HEMK2: variants seen among roughly 807,000 people sequenced by gnomAD.
HEMK2 encodes HemK methyltransferase 2, ETF1 glutamine and histone H4 lysine.
chr21:28,679,128 G>T, the HEMK2 span, among the ~76,000 whole-genome samples: 1 of 152,202 alleles, frequency 6.6e-6, no homozygotes, highest in African/African-American at 2.4e-5. Flanking sequence ...AGACCCATCA[G>T]TGTGCTGTAT....
the HEMK2 span, among the ~76,000 whole-genome samples, chr21:28,846,211 G>C: frequency 6.6e-6 from 1 of 152,274 alleles, no homozygotes; most frequent in East Asian, 1.9e-4. Context: ...TGGGCGTCTA[G>C]GTTGATTCCA....
chr21:28,879,564 T>G, the HEMK2 span, among the ~76,000 whole-genome samples: 11 of 152,192 alleles, frequency 7.2e-5, no homozygotes, highest in Non-Finnish European at 1.6e-4. Flanking sequence ...GTTTTGCAAA[T>G]TTTTTATTCA....
chr21:28,867,593 A>T, the HEMK2 span, among the ~76,000 whole-genome samples: 1 of 152,228 alleles, frequency 6.6e-6, no homozygotes, highest in Admixed American at 6.5e-5. Context: ...CTTTTGGGTC[A>T]GAGACAAGGA....
At chr21:28,804,473 G>A in the HEMK2 span, among the ~76,000 whole-genome samples, 3 of 152,132 alleles carry the variant, frequency 2.0e-5, no homozygotes, top group East Asian at 1.9e-4. Context: ...AGTGGCTCAC[G>A]CCTGTAATCT....
chr21:28,811,249 G>GGAAAGAAAGAAAGAAAGAAA, the HEMK2 span, among the ~76,000 whole-genome samples: 50 of 132,932 alleles, frequency 3.8e-4, no homozygotes, highest in African/African-American at 1.3e-3. Flanking sequence ...CAGAGAAAGA[G>GGAAAGAAAGAAAGAAAGAAA]GAAAGAAAGA....
the HEMK2 span, among the ~76,000 whole-genome samples, chr21:28,776,653 A>C: frequency 6.6e-6 from 1 of 152,308 alleles, no homozygotes; most frequent in South Asian, 2.1e-4. Flanking sequence ...AAAACCTCAA[A>C]AGTAGGGAAG....
the HEMK2 span, among the ~76,000 whole-genome samples, chr21:28,863,131 G>A: frequency 6.6e-6 from 1 of 151,954 alleles, no homozygotes. Flanking sequence ...TTGAGTCAGT[G>A]GGCTGGGAAA....
chr21:28,852,163 G>A, the HEMK2 span, among the ~76,000 whole-genome samples: 97 of 152,268 alleles, frequency 6.4e-4, no homozygotes, highest in Middle Eastern at 3.4e-3. Context: ...ATCCCTCCAG[G>A]GATGAGATAT....
chr21:28,823,648 C>A, the HEMK2 span, among the ~76,000 whole-genome samples: 1 of 152,126 alleles, frequency 6.6e-6, no homozygotes, highest in Non-Finnish European at 1.5e-5. Flanking sequence ...GTATACTGAG[C>A]TCTTATATTA....
At chr21:28,877,665 C>G in the HEMK2 span, among the ~76,000 whole-genome samples, 1 of 151,964 alleles carries the variant, frequency 6.6e-6, no homozygotes, top group African/African-American at 2.4e-5. Flanking sequence ...CAAGAGAAAA[C>G]TAGCAATCAT....
At chr21:28,679,973 A>C in the HEMK2 span, among the ~76,000 whole-genome samples, 1 of 152,204 alleles carries the variant, frequency 6.6e-6, no homozygotes, top group Non-Finnish European at 1.5e-5. Flanking sequence ...TGACACCCTA[A>C]CATCACAATT....
the HEMK2 span, among the ~76,000 whole-genome samples, chr21:28,617,019 A>G: frequency 6.6e-6 from 1 of 152,254 alleles, no homozygotes; most frequent in Non-Finnish European, 1.5e-5. Flanking sequence ...GGCCACAGAC[A>G]ATTAGTTGGT....
chr21:28,672,602 C>G, the HEMK2 span, among the ~76,000 whole-genome samples: 3 of 152,020 alleles, frequency 2.0e-5, no homozygotes, highest in African/African-American at 7.2e-5. Flanking sequence ...TGGTCTTTCT[C>G]CTCTTGTTCC....
chr21:28,838,406 C>T, the HEMK2 span, among the ~76,000 whole-genome samples: 210 of 151,758 alleles, frequency 1.4e-3, 1 homozygote, highest in African/African-American at 4.2e-3. Flanking sequence ...TGGTGGCAGG[C>T]GCCTATAGTC....
the HEMK2 span, among the ~76,000 whole-genome samples, chr21:28,698,142 C>G: frequency 0.56 from 84,619 of 152,082 alleles, 26,218 homozygotes; most frequent in East Asian, 0.84. Context: ...TGCAGTTTAA[C>G]TATCAATATA....
chr21:28,609,766 T>G, the HEMK2 span, among the ~76,000 whole-genome samples: 1 of 151,580 alleles, frequency 6.6e-6, no homozygotes, highest in Non-Finnish European at 1.5e-5. Flanking sequence ...AAATGTAAAA[T>G]GCACTGGAAA....
At chr21:28,765,948 T>C in the HEMK2 span, among the ~76,000 whole-genome samples, 1 of 152,040 alleles carries the variant, frequency 6.6e-6, no homozygotes, top group Non-Finnish European at 1.5e-5. Context: ...ATAATTCACA[T>C]ATACACCATG....
At chr21:28,880,776 A>T in the HEMK2 span, among the ~76,000 whole-genome samples, 7 of 126,390 alleles carry the variant, frequency 5.5e-5, no homozygotes, top group Admixed American at 1.6e-4. Context: ...TTTTTTAAAT[A>T]AAAAAAAAAA....
chr21:28,747,275 C>A, the HEMK2 span, among the ~76,000 whole-genome samples: 2 of 152,162 alleles, frequency 1.3e-5, no homozygotes, highest in Non-Finnish European at 2.9e-5. Context: ...GATGGAGGAG[C>A]CCATTCTGTC....
Sources: gnomAD v4.1 joint callset for allele counts (sites outside exome capture counted in the v4.1 genomes callset) on GRCh38, gnomAD v4.1.1 for gene constraint, MANE v1.5 for transcripts, NCBI Gene and HGNC (gene_info 2026-07-23, HGNC 2026-07-21) for gene names.